BRME1: variants seen among roughly 807,000 people sequenced by gnomAD.
BRME1 encodes break repair meiotic recombinase recruitment factor 1.
BRME1 carries 31 observed loss-of-function variants against 52.6 expected under a neutral mutation model. That is an observed-to-expected ratio of 0.59 (90% CI 0.44 to 0.80). BRME1 has a LOEUF of 0.80. BRME1 is among the 30% of genes least tolerant of loss of function. The probability of loss-of-function intolerance (pLI) is 0.00; values close to 1 mark genes in which losing one functional copy is unlikely to be tolerated. For synonymous variants in BRME1, 359 were observed against 353.6 expected, an observed-to-expected ratio of 1.02 and a Z score of -0.17; for missense variants, 804 against 860.3, an observed-to-expected ratio of 0.93 and a Z score of 0.82.
At chr19:13,887,041 T>C (rs1969082652) in intron 6 of BRME1, among the ~76,000 whole-genome samples, 1 of 152,230 alleles carries the variant, frequency 6.6e-6, no homozygotes, top group Non-Finnish European at 1.5e-5. Context: ...GCAAAGGATC[T>C]ATGAGAAAGT....
At position 13,889,513 on chromosome 19, in the gene BRME1, T is replaced by C. The variant is rs768883820; in HGVS notation, c.1343A>G (p.Gln448Arg). The change falls in exon 6 of 9, where the codon CAG becomes CGG. Residue 448 changes from glutamine (Q) to arginine (R), a missense_variant. Physicochemically the swap from Gln to Arg is conservative, Grantham distance 43. Coordinates refer to ENST00000586783, the MANE Select transcript of BRME1 (RefSeq NM_001345843.2). The stretch of plus-strand genomic sequence containing the variant: ...TTGAGCAGGACCTGGCTCCTGCTTC[T>C]GATTGACACATGGACCTGTGTCCGG... ...ASPDTGPCVN[Q>R]KQEPGPAQEE... 2 of 1,613,930 alleles carry C rather than the reference T, an allele frequency of 1.2e-6. No homozygotes were observed. Among genetic ancestry groups the C allele is most frequent in the African/African-American group, 1.3e-5 (1 of 75,060 alleles).
Position 13,882,956 on chromosome 19 carries a change from TG to T in BRME1, c.1857-5del. 6.2e-7 allele frequency: 1 copy of T among 1,610,940 alleles called. No homozygotes were observed. ...GTGGGTGCCCATGATCAGCCGGCTG[TG>T]GGGGAAACACAGGCATGCGTGTGGG... is the stretch of plus-strand genomic sequence containing the variant. On this transcript the variant is annotated splice_polypyrimidine_tract_variant and splice_region_variant and intron_variant, in intron 8 of 8. Transcript: ENST00000586783.
chr19:13,891,134 G>GTTTTTTTTTTTT (rs200397038), intron 5 of BRME1, among the ~76,000 whole-genome samples: 19 of 92,128 alleles, frequency 2.1e-4, no homozygotes, highest in African/African-American at 1.4e-3. Flanking sequence ...TCAATTTCCT[G>GTTTTTTTTTTTT]TTTATTATTA....
At position 13,882,804 on chromosome 19, in the gene BRME1, A is replaced by G. The variant is rs541844188; in HGVS notation, c.2005T>C (p.Ter669GlnextTer27). The change falls in exon 9 of 9, where the codon TAG becomes CAG. Residue 669 changes from the stop codon to glutamine, a stop_lost. Transcript: ENST00000586783. ...PRGDPPWREL[*>Q] Reference sequence around the variant, plus strand: ...GGAAACACAGACCTCAAAGTGGCCTACAACTCCCTCCAGGGTGGGTCCCCT... The same window carrying G: ...GGAAACACAGACCTCAAAGTGGCCTGCAACTCCCTCCAGGGTGGGTCCCCT... 6.2e-7 allele frequency: 1 copy of G among 1,613,810 alleles called. No individual in the cohort carries two copies. The highest frequency in any genetic ancestry group is 1.7e-5 in the Admixed American group (1 of 59,932).
At chr19:13,903,918 T>C (rs925412391) in intron 2 of BRME1, among the ~76,000 whole-genome samples, 3 of 152,048 alleles carry the variant, frequency 2.0e-5, no homozygotes, top group African/African-American at 7.2e-5. Context: ...CGAGTGGCCT[T>C]GTAGTACATC....
In BRME1 at chr19:13,883,099, A is replaced by G; in HGVS notation, c.1857-147T>C. 2 of 676,122 alleles carry G rather than the reference A, an allele frequency of 3.0e-6. No individual in the cohort carries two copies. Among genetic ancestry groups the G allele is most frequent in the Non-Finnish European group, 3.9e-6 (2 of 510,766 alleles). The allele number at this position is 676,122 out of a possible 1,614,324, so 41.9% of individuals were successfully genotyped here. ...CACATAACCAGAAAGGGCCTGTTGT[A>G]GCACAGGCTGGGCCTGTTGCAGCCT... On this transcript the variant is annotated intron_variant, in intron 8 of 8. Coordinates refer to ENST00000586783, the MANE Select transcript of BRME1 (RefSeq NM_001345843.2). This position sits in a 1 kb window ranked among gnomAD's most constrained non-coding sequence, Gnocchi z 4.2.
At chr19:13,891,135 T>TTTTTTTTTTTTTTTATTATTATTA (rs59151567) in intron 5 of BRME1, among the ~76,000 whole-genome samples, 43 of 146,666 alleles carry the variant, frequency 2.9e-4, no homozygotes, top group African/African-American at 1.1e-3. Context: ...CAATTTCCTG[T>TTTTTTTTTTTTTTTATTATTATTA]TTATTATTAT....
chr19:13,884,300 C>T (rs373044368), intron 7 of BRME1, among the ~76,000 whole-genome samples: 1 of 151,652 alleles, frequency 6.6e-6, no homozygotes, highest in East Asian at 1.9e-4. Flanking sequence ...TGATCCTGTA[C>T]ACCAGCCTGG....
intron 5 of BRME1, among the ~76,000 whole-genome samples, chr19:13,891,844 A>C (rs1037222177): frequency 4.0e-5 from 6 of 150,868 alleles, no homozygotes; most frequent in Non-Finnish European, 7.4e-5. Flanking sequence ...AGGCCGAGGC[A>C]GGCGGATCAT....
chr19:13,892,361 A>G (rs1409315818), intron 5 of BRME1, among the ~76,000 whole-genome samples: 16 of 152,080 alleles, frequency 1.1e-4, no homozygotes, highest in Non-Finnish European at 2.2e-4. Context: ...TGAGGCGGGC[A>G]GATCACCTGA....
intron 3 of BRME1, among the ~76,000 whole-genome samples, chr19:13,894,656 T>C (rs1486131725): frequency 5.9e-5 from 9 of 152,210 alleles, no homozygotes; most frequent in Admixed American, 4.6e-4. Flanking sequence ...CAAGCGATCC[T>C]CTTGCCTCAG....
At chr19:13,900,364 G>A (rs924810208) in intron 2 of BRME1, among the ~76,000 whole-genome samples, 1 of 152,120 alleles carries the variant, frequency 6.6e-6, no homozygotes, top group Non-Finnish European at 1.5e-5. Flanking sequence ...ACTGAGCTGG[G>A]GAGTCTACCG....
chr19:13,887,170 G>A (rs1568373574), intron 6 of BRME1, among the ~76,000 whole-genome samples: 1 of 152,216 alleles, frequency 6.6e-6, no homozygotes, highest in East Asian at 1.9e-4. Context: ...GTCAGGAGGA[G>A]GTGCTGAGAC....
At chr19:13,885,844 G>C (rs1016196661) in intron 7 of BRME1, 117 bp downstream of exon 7, 3 of 822,016 alleles carry the variant, frequency 3.6e-6, no homozygotes, top group Non-Finnish European at 6.0e-6. Context: ...TCCCCTGCTG[G>C]ACTGAGGAAG....
chr19:13,892,736 AGG>A, intron 5 of BRME1, 48 bp downstream of exon 5: 2 of 1,490,950 alleles, frequency 1.3e-6, no homozygotes, highest in East Asian at 4.5e-5. Flanking sequence ...AGGCTGGGCC[AGG>A]AGGCTGCACC....
At chr19:13,885,064 C>T (rs76619803) in intron 7 of BRME1, 1,687 of 152,552 alleles carry the variant, frequency 0.011, 42 homozygotes, top group African/African-American at 0.039. Flanking sequence ...CTCTGGTCCA[C>T]GTGCAGGTTG....
chr19:13,896,928 G>A (rs992587610), intron 2 of BRME1, among the ~76,000 whole-genome samples: 2 of 152,026 alleles, frequency 1.3e-5, no homozygotes, highest in African/African-American at 2.4e-5. Flanking sequence ...GAACTCTGGC[G>A]CTCAAGTGAT....
chr19:13,905,002 T>C (rs6511899), intron 1 of BRME1, 89 bp from the exon 2 acceptor site: 246,342 of 1,048,364 alleles, frequency 0.23, 35,286 homozygotes, highest in African/African-American at 0.63. Flanking sequence ...AGGTTACCCC[T>C]ACCTCCACCT....
At chr19:13,903,604 TGGAGGC>T (rs79765677) in intron 2 of BRME1, among the ~76,000 whole-genome samples, 50,366 of 149,216 alleles carry the variant, frequency 0.34, 11,465 homozygotes, top group African/African-American at 0.66. Flanking sequence ...ACCCAGGAGG[TGGAGGC>T]TGCAGTGAGC....
Sources: gnomAD v4.1 joint callset for allele counts (sites outside exome capture counted in the v4.1 genomes callset) on GRCh38, gnomAD v4.1.1 for gene constraint, Gnocchi (gnomAD v3.1) non-coding constraint, MANE v1.5 for transcripts, NCBI Gene and HGNC (gene_info 2026-07-23, HGNC 2026-07-21) for gene names.